The following FH variants were observed in gnomAD, a reference collection of about 807,000 sequenced individuals.
FH encodes fumarate hydratase, mitochondrial.
Under a neutral mutation model 49.4 loss-of-function variants are expected in FH, and 22 were observed. The ratio of observed to expected loss-of-function variants is 0.45; its 90% CI spans 0.32 to 0.64. FH has a LOEUF of 0.64. FH is among the 30% of genes least tolerant of loss of function. FH has a pLI of 0.05. For synonymous variants in FH, 208 were observed against 223.0 expected (o/e 0.93, Z 0.60); for missense variants, 526 against 641.5 (o/e 0.82, Z 1.95).
intron 6 of FH, 124 bp from the exon 7 acceptor site, chr1:241,504,369 GTTTAC>G: frequency 1.1e-6 from 1 of 888,546 alleles, no homozygotes; most frequent in South Asian, 1.6e-5. Context: ...AGAAAAAAAT[GTTTAC>G]TTAAGACTCA....
chr1:241,511,596 T>A (rs759720314), intron 4 of FH, among the ~76,000 whole-genome samples: 124 of 152,230 alleles, frequency 8.1e-4, no homozygotes, highest in Non-Finnish European at 1.6e-3. Flanking sequence ...GAGTACTGTA[T>A]CTATGTTAAT....
rs1338650106 is a variant in FH at position 241,500,431 on chromosome 1, A to T, written c.1390+6T>A. Reference sequence around the variant, plus strand: ...AAAATGATATTATTATTCCTTAAACACTTACCTATATGAGGATTGAGAGCT... The same window carrying T: ...AAAATGATATTATTATTCCTTAAACTCTTACCTATATGAGGATTGAGAGCT... On this transcript the variant is annotated splice_donor_region_variant and intron_variant, in intron 9 of 9. Coordinates refer to ENST00000366560, the MANE Select transcript of FH (RefSeq NM_000143.4). 1.2e-6 allele frequency: 2 copies of T among 1,613,236 alleles called. No individual in the cohort carries two copies. The highest frequency in any genetic ancestry group is 3.3e-5 in the Admixed American group (2 of 59,984).
chr1:241,515,895 G>A (rs917831552), intron 2 of FH, among the ~76,000 whole-genome samples: 1 of 151,810 alleles, frequency 6.6e-6, no homozygotes, highest in Non-Finnish European at 1.5e-5. Flanking sequence ...TCTAATTAAT[G>A]GCATCTTAAA....
At chr1:241,517,697 G>T (rs1210185241) in intron 1 of FH, among the ~76,000 whole-genome samples, 2 of 151,954 alleles carry the variant, frequency 1.3e-5, no homozygotes, top group Admixed American at 1.3e-4. Flanking sequence ...GTCTAAGAAT[G>T]ATTATTTGAA....
chr1:241,509,484 T>C (rs1447062753), intron 4 of FH, among the ~76,000 whole-genome samples: 1 of 152,164 alleles, frequency 6.6e-6, no homozygotes, highest in African/African-American at 2.4e-5. Context: ...TTTTAAAACA[T>C]AATATCAAGC....
intron 4 of FH, among the ~76,000 whole-genome samples, chr1:241,510,984 T>C (rs972374238): frequency 6.6e-6 from 1 of 152,248 alleles, no homozygotes; most frequent in East Asian, 1.9e-4. Flanking sequence ...TGTGATAGTT[T>C]TCTCAAAAAT....
chr1:241,500,009 A>C (rs143311190), intron 9 of FH, among the ~76,000 whole-genome samples: 12 of 152,332 alleles, frequency 7.9e-5, no homozygotes, highest in African/African-American at 2.9e-4. Context: ...TTCTGAATTG[A>C]ATAAAACAAC....
intron 6 of FH, among the ~76,000 whole-genome samples, chr1:241,505,312 A>T (rs2147917049): frequency 6.6e-6 from 1 of 152,284 alleles, no homozygotes; most frequent in Non-Finnish European, 1.5e-5. Flanking sequence ...GTGTGCTAAA[A>T]TGAGTTAGAT....
chr1:241,516,074 T>A (rs1460857717), intron 2 of FH, among the ~76,000 whole-genome samples: 1 of 152,192 alleles, frequency 6.6e-6, no homozygotes, highest in East Asian at 1.9e-4. Context: ...CAAAGTGTAA[T>A]TTTAAAAAAT....
intron 2 of FH, among the ~76,000 whole-genome samples, chr1:241,515,970 T>A (rs926754037): frequency 3.3e-4 from 50 of 152,194 alleles, no homozygotes; most frequent in Admixed American, 2.7e-3. Flanking sequence ...GAATAAATAC[T>A]TATATATTAT....
intron 8 of FH, 47 bp downstream of exon 8, chr1:241,502,393 GATA>G (rs1659802769): frequency 6.2e-7 from 1 of 1,609,418 alleles, no homozygotes; most frequent in African/African-American, 1.3e-5. Flanking sequence ...ACAAAACCAA[GATA>G]ATAAGCCTTT....
At chr1:241,508,274 T>C (rs752724120) in intron 5 of FH, among the ~76,000 whole-genome samples, 2 of 152,144 alleles carry the variant, frequency 1.3e-5, no homozygotes, top group Non-Finnish European at 2.9e-5. Context: ...AACTATCCTA[T>C]GAAAGGGAAA....
chr1:241,512,381 C>T (rs887435182), intron 3 of FH, among the ~76,000 whole-genome samples: 1 of 152,176 alleles, frequency 6.6e-6, no homozygotes, highest in Non-Finnish European at 1.5e-5. Flanking sequence ...CCTCCTCTAA[C>T]AGAGGACCAC....
chr1:241,508,908 C>T, intron 4 of FH, 123 bp from the exon 5 acceptor site: 1 of 741,664 alleles, frequency 1.3e-6, no homozygotes, highest in Non-Finnish European at 2.2e-6. Context: ...AGCTCAGTTA[C>T]ATGTATGTGT....
chr1:241,519,188 C>G (rs564108869), intron 1 of FH: 1 of 208,960 alleles, frequency 4.8e-6, no homozygotes, highest in Admixed American at 6.3e-5. Context: ...GCGGGAGCTG[C>G]CCCTCTCCCA....
chr1:241,516,408 C>T (rs1379604205), intron 2 of FH, among the ~76,000 whole-genome samples: 1 of 152,118 alleles, frequency 6.6e-6, no homozygotes, highest in South Asian at 2.1e-4. Flanking sequence ...AACAGAGGAA[C>T]AGAAAACCAA....
intron 4 of FH, among the ~76,000 whole-genome samples, chr1:241,510,781 G>A (rs182265024): frequency 1.3e-5 from 2 of 152,260 alleles, no homozygotes; most frequent in African/African-American, 4.8e-5. Context: ...GAAATACAGT[G>A]CCTGGAATGC....
In FH at chr1:241,500,162, G is replaced by A. The variant is rs12759839; in HGVS notation, c.1390+275C>T. Among the ~76,000 whole-genome samples, 962 of 152,104 alleles carry A rather than the reference G, an allele frequency of 6.3e-3. 3 individuals are homozygous for A. Among genetic ancestry groups the A allele is most frequent in the Non-Finnish European group, 0.01 (685 of 67,978 alleles). The stretch of plus-strand genomic sequence containing the variant: ...CAATGGTCTGCATAGAATATTTGGC[G>A]TCTGAATTCCATTAAAATCAAAATA... On this transcript the variant is annotated intron_variant, in intron 9 of 9. Coordinates refer to ENST00000366560, the MANE Select transcript of FH (RefSeq NM_000143.4).
At chr1:241,509,269 C>CA (rs1478091443) in intron 4 of FH, among the ~76,000 whole-genome samples, 1 of 151,940 alleles carries the variant, frequency 6.6e-6, no homozygotes, top group Non-Finnish European at 1.5e-5. Context: ...GAATATCTTA[C>CA]AATTATACAG....
Sources: gnomAD v4.1 joint callset for allele counts (sites outside exome capture counted in the v4.1 genomes callset) on GRCh38, gnomAD v4.1.1 for gene constraint, MANE v1.5 for transcripts, NCBI Gene and HGNC (gene_info 2026-07-23, HGNC 2026-07-21) for gene names.